The following RND3 variants were observed in gnomAD, a reference collection of about 807,000 sequenced individuals.
The protein encoded by RND3 is Rho family GTPase 3.
A neutral mutation model predicts 26.5 loss-of-function variants in RND3; 8 were observed. That is an observed-to-expected ratio of 0.30 (90% CI 0.18 to 0.54). RND3 has a LOEUF of 0.54. Among genes scored for constraint, RND3 ranks in the 20% least tolerant of loss-of-function variants. The pLI, the probability that RND3 is intolerant of heterozygous loss-of-function variation, is 0.94. For missense variants in RND3, 207 were observed against 302.8 expected, an observed-to-expected ratio of 0.68 and a Z score of 2.35; for synonymous variants, 113 against 113.0, an observed-to-expected ratio of 1.00 and a Z score of 0.00.
chr2:150,474,748 T>A, intron 4 of RND3, 127 bp downstream of exon 4: 1 of 522,074 alleles, frequency 1.9e-6, no homozygotes. Context: ...AAAGGGTTCT[T>A]TCTAGTGTTT....
intron 3 of RND3, among the ~76,000 whole-genome samples, chr2:150,484,636 A>G (rs1686328046): frequency 6.6e-6 from 1 of 152,172 alleles, no homozygotes; most frequent in Non-Finnish European, 1.5e-5. Context: ...AAGCCAACCA[A>G]CATCCTGGGA....
In RND3 at chr2:150,471,783, G is replaced by T. The variant is rs747287295; in HGVS notation, c.349-22C>A. On this transcript the variant is annotated intron_variant, in intron 4 of 5. Transcript: ENST00000263895. The stretch of plus-strand genomic sequence containing the variant: ...TCCACTATGAAAGAAAAAAAAAAAA[G>T]ATTAAAAATGAACAAAGTAACGGTA... 6 of 1,454,260 alleles carry T rather than the reference G, an allele frequency of 4.1e-6. 1 individual carries two copies. Among genetic ancestry groups the T allele is most frequent in the South Asian group, 3.6e-5 (3 of 84,170 alleles). 90.1% of individuals were successfully genotyped at this position (1,454,260 alleles called of 1,614,324 possible). A position where few individuals can be genotyped will look rare whatever the true frequency, so the allele number is the denominator to read the frequency against.
chr2:150,478,000 T>C (rs1016210853), intron 3 of RND3, among the ~76,000 whole-genome samples: 5 of 152,178 alleles, frequency 3.3e-5, no homozygotes, highest in African/African-American at 4.8e-5. Flanking sequence ...TGACTGCCAA[T>C]GACAAGAGTA....
rs1450552029 is a variant in RND3, at chr2:150,468,758, TG to T, written c.*1228del. On this transcript the variant is annotated 3_prime_UTR_variant, in exon 6 of 6. Coordinates refer to ENST00000263895, the MANE Select transcript of RND3 (RefSeq NM_005168.5). ...ATTTTACGTAACAACAGAGACCAAG[TG>T]CTGAACACAGACCTTGGCTGCATCT... is the stretch of plus-strand genomic sequence containing the variant. 1.3e-5 allele frequency: 2 copies of T among 152,606 alleles called. No homozygotes were observed. The highest frequency in any genetic ancestry group is 1.5e-5 in the Non-Finnish European group (1 of 68,032). The allele number at this position is 152,606 out of a possible 1,614,324, so 9.5% of individuals were successfully genotyped here. A position where few individuals can be genotyped will look rare whatever the true frequency, so the allele number is the denominator to read the frequency against.
intron 4 of RND3, among the ~76,000 whole-genome samples, chr2:150,472,468 T>C (rs1686103107): frequency 6.6e-6 from 1 of 152,190 alleles, no homozygotes; most frequent in African/African-American, 2.4e-5. Context: ...AGTTGTTTCA[T>C]GATCTAACAA....
chr2:150,483,201 T>C (rs1284159765), intron 3 of RND3, among the ~76,000 whole-genome samples: 2 of 152,196 alleles, frequency 1.3e-5, no homozygotes, highest in African/African-American at 4.8e-5. Context: ...TGCATGATCA[T>C]GACTGCTGGG....
At chr2:150,479,879 T>C (rs769944001) in intron 3 of RND3, among the ~76,000 whole-genome samples, 7 of 152,224 alleles carry the variant, frequency 4.6e-5, no homozygotes, top group Non-Finnish European at 7.3e-5. Flanking sequence ...GTTTCTTCCA[T>C]GGATTCAGGT....
At position 150,487,334 on chromosome 2, in the gene RND3, C is replaced by G. The variant is rs1281260154; in HGVS notation, c.84G>C (p.Val28=). Reference sequence around the variant, plus strand: ...TTTTTCCACACTGACTGTCTCCCACCACAACTATCTTGCATTTCACGTTCT... The same window carrying G: ...TTTTTCCACACTGACTGTCTCCCACGACAACTATCTTGCATTTCACGTTCT... ...PNQNVKCKIV[V]VGDSQCGKTA... is the part of the protein sequence containing the mutation. Residue 28 remains valine (V), a synonymous_variant, in exon 2 of 6, where the codon GTG becomes GTC. Transcript: ENST00000263895. 4 of 1,606,220 alleles carry G rather than the reference C, an allele frequency of 2.5e-6. No individual in the cohort carries two copies. Among genetic ancestry groups the G allele is most frequent in the Non-Finnish European group, 1.7e-6 (2 of 1,176,042 alleles).
rs766894438 is a variant in RND3 at position 150,486,750 on chromosome 2, G to A, written c.182C>T (p.Thr61Met). ...NYVPTVFENY[T>M]ASFEIDTQRI... ...TTGTGTGTCGATTTCAAAACTGGCC[G>A]TGTAATTCTCAAACACTGTAGGAAC... The change falls in exon 3 of 6, where the codon ACG (threonine) becomes ATG (methionine). Residue 61 changes from threonine (T) to methionine (M), a missense_variant. Coordinates refer to ENST00000263895, the MANE Select transcript of RND3 (RefSeq NM_005168.5). The surrounding 1 kb of genome is among the most constrained non-coding windows in gnomAD (Gnocchi z 4.5). The A allele has an allele frequency of 2.5e-6, 4 of 1,613,484 alleles. No individual in the cohort carries two copies. The highest frequency in any genetic ancestry group is 2.5e-6 in the Non-Finnish European group (3 of 1,179,420).
rs1686356270 is a variant in RND3 at position 150,486,138 on chromosome 2, A to G, written c.238+556T>C. On this transcript the variant is annotated intron_variant, in intron 3 of 5. Coordinates refer to ENST00000263895, the MANE Select transcript of RND3 (RefSeq NM_005168.5). The surrounding 1 kb of genome is among the most constrained non-coding windows in gnomAD (Gnocchi z 4.5). Reference sequence around the variant, plus strand: ...TCAGCTGCTGCCCGGCCCCTGCGCCACCAGCGCATTCCTGGGTGTAGGCGT... The same window carrying G: ...TCAGCTGCTGCCCGGCCCCTGCGCCGCCAGCGCATTCCTGGGTGTAGGCGT... Among the ~76,000 whole-genome samples, 1 of 151,976 alleles carries G rather than the reference A, an allele frequency of 6.6e-6. No homozygotes were observed. Among genetic ancestry groups the G allele is most frequent in the Admixed American group, 6.5e-5 (1 of 15,272 alleles).
At chr2:150,484,306 G>A (rs1686323762) in intron 3 of RND3, among the ~76,000 whole-genome samples, 1 of 152,228 alleles carries the variant, frequency 6.6e-6, no homozygotes, top group Non-Finnish European at 1.5e-5. Flanking sequence ...ACGAAGGACA[G>A]CCTCCAACTA....
chr2:150,479,456 T>A (rs1686234721), intron 3 of RND3, among the ~76,000 whole-genome samples: 1 of 152,208 alleles, frequency 6.6e-6, no homozygotes, highest in African/African-American at 2.4e-5. Context: ...TTGTTGAATA[T>A]TTCATAAATA....
At chr2:150,482,588 C>T (rs1206922058) in intron 3 of RND3, among the ~76,000 whole-genome samples, 1 of 151,934 alleles carries the variant, frequency 6.6e-6, no homozygotes, top group Non-Finnish European at 1.5e-5. Flanking sequence ...TAAAAATTCC[C>T]TCTTTTAGAT....
rs1247490504 is a variant in RND3, at chr2:150,470,077, C to T, written c.645G>A (p.Lys215=). The change falls in exon 6 of 6, where the codon AAG becomes AAA. Residue 215 remains lysine (K), a synonymous_variant. Transcript: ENST00000263895. ...GTCTGCTAGGCATGTGTGAAATCCG[C>T]TTTGTGGCTCTCTGTGATTTGTTCC... ...VKRNKSQRAT[K]RISHMPSRPE... 1.2e-6 allele frequency: 2 copies of T among 1,614,090 alleles called. No individual in the cohort carries two copies. Among genetic ancestry groups the T allele is most frequent in the Admixed American group, 1.7e-5 (1 of 60,002 alleles).
Position 150,487,474 on chromosome 2 carries a change from A to ATATATATATAG in RND3, c.-38-20_-38-19insCTATATATATA. On this transcript the variant is annotated intron_variant, in intron 1 of 5. Transcript: ENST00000263895. ...ATTTTCTCTTAAGAAGAAAAAAAAA[A>ATATATATATAG]ATATATATATATATATATATTTCTC... The ATATATATATAG allele has an allele frequency of 5.1e-6, 1 of 195,420 alleles. No individual in the cohort carries two copies. Among genetic ancestry groups the ATATATATATAG allele is most frequent in the Non-Finnish European group, 8.9e-6 (1 of 112,126 alleles). The allele number at this position is 195,420 out of a possible 1,614,324, so 12.1% of individuals were successfully genotyped here. A position where few individuals can be genotyped will look rare whatever the true frequency, so the allele number is the denominator to read the frequency against.
rs560527824 is a variant in RND3, at chr2:150,482,743, G to T, written c.238+3951C>A. Among the ~76,000 whole-genome samples the T allele has an allele frequency of 2.3e-3, 341 of 145,818 alleles. 1 individual carries two copies. Among genetic ancestry groups the T allele is most frequent in the Non-Finnish European group, 4.0e-3 (262 of 66,218 alleles). ...TGGGCGGGGGTGGGGGGGGCGGTGC[G>T]GGGGTAGCTGTTTCCTATCTGAAGA... On this transcript the variant is annotated intron_variant, in intron 3 of 5. Transcript: ENST00000263895.
rs1686023192 is a variant in RND3, at chr2:150,468,282, T to C, written c.*1705A>G. ...TGCGGAAACATTGACCAAACAAACA[T>C]ACACAGTGACTTCAACAGTTTAAAA... On this transcript the variant is annotated 3_prime_UTR_variant, in exon 6 of 6. Coordinates refer to ENST00000263895, the MANE Select transcript of RND3 (RefSeq NM_005168.5). 1 of 152,500 alleles carries C rather than the reference T, an allele frequency of 6.6e-6. No homozygotes were observed. The highest frequency in any genetic ancestry group is 1.5e-5 in the Non-Finnish European group (1 of 68,020). The allele number at this position is 152,500 out of a possible 1,614,324, so 9.4% of individuals were successfully genotyped here. A position where few individuals can be genotyped will look rare whatever the true frequency, so the allele number is the denominator to read the frequency against.
intron 4 of RND3, 26 bp from the exon 5 acceptor site, chr2:150,471,787 A>T: frequency 6.4e-7 from 1 of 1,570,574 alleles, no homozygotes; most frequent in Non-Finnish European, 8.7e-7. Context: ...AAAAAAGATT[A>T]AAAATGAACA....
At chr2:150,480,930 T>A (rs1573956077) in intron 3 of RND3, among the ~76,000 whole-genome samples, 1 of 152,218 alleles carries the variant, frequency 6.6e-6, no homozygotes, top group African/African-American at 2.4e-5. Flanking sequence ...TACTACCTGA[T>A]GAAATGCTTG....
Sources: allele counts gnomAD v4.1 joint callset (sites outside exome capture counted in the v4.1 genomes callset), GRCh38; gene constraint gnomAD v4.1.1; non-coding constraint Gnocchi (gnomAD v3.1); transcripts MANE v1.5; gene names NCBI Gene and HGNC (gene_info 2026-07-23, HGNC 2026-07-21).